The following CTBP1 variants were observed in gnomAD, a reference collection of about 807,000 sequenced individuals.
The protein encoded by CTBP1 is C-terminal-binding protein 1.
CTBP1 carries 11 observed loss-of-function variants against 42.1 expected under a neutral mutation model. The ratio of observed to expected loss-of-function variants is 0.26; its 90% CI spans 0.16 to 0.43. The LOEUF is 0.43. Among genes scored for constraint, CTBP1 ranks in the 20% least tolerant of loss-of-function variants. CTBP1 has a pLI of 1.00. For missense variants in CTBP1, 399 were observed against 624.3 expected, an observed-to-expected ratio of 0.64 and a Z score of 3.85; for synonymous variants, 324 against 277.1, an observed-to-expected ratio of 1.17 and a Z score of -1.68.
rs760909423 is a variant in CTBP1 at position 1,233,996 on chromosome 4, T to C, written c.162+4187A>G. On this transcript the variant is annotated intron_variant, in intron 3 of 9. Transcript: ENST00000382952. This position sits in a 1 kb window ranked among gnomAD's most constrained non-coding sequence, Gnocchi z 4.6. ...CACGGTTCCCAGCACGTGGCTCCCCTCACAGTCCAAGGTGGCTACCCCGGG... is the reference window on the plus strand; with the variant it reads ...CACGGTTCCCAGCACGTGGCTCCCCCCACAGTCCAAGGTGGCTACCCCGGG... Among the ~76,000 whole-genome samples, 1 of 152,122 alleles carries C rather than the reference T, an allele frequency of 6.6e-6. No individual in the cohort carries two copies. Among genetic ancestry groups the C allele is most frequent in the African/African-American group, 2.4e-5 (1 of 41,418 alleles).
intron 5 of CTBP1, 110 bp from the exon 6 acceptor site, chr4:1,216,315 A>C: frequency 1.8e-6 from 2 of 1,105,796 alleles, no homozygotes; most frequent in Non-Finnish European, 2.6e-6. Context: ...CCATCTGCCA[A>C]GGATGACACC....
intron 3 of CTBP1, among the ~76,000 whole-genome samples, chr4:1,231,786 G>C (rs934519185): frequency 3.3e-5 from 5 of 152,246 alleles, no homozygotes; most frequent in African/African-American, 7.2e-5. Context: ...GATTTCCAGA[G>C]AAACTGCCAA....
In CTBP1 at chr4:1,212,312, C is replaced by CGGGGGGG; in HGVS notation, c.1217_1218insCCCCCCC (p.His408ProfsTer17). Reference sequence around the variant, plus strand: ...TTTGGCCAGGAGAAGGGGCGTGGGGCGGGTGGGCCACAGGGGGCAGGCCGT... The same window carrying CGGGGGGG: ...TTTGGCCAGGAGAAGGGGCGTGGGGCGGGGGGGGGGTGGGCCACAGGGGGCAGGCCGT... On this transcript the variant is annotated frameshift_variant, in exon 10 of 10. Coordinates refer to ENST00000382952, the MANE Select transcript of CTBP1 (RefSeq NM_001012614.2). LOFTEE classifies it high-confidence loss of function. 2.4e-6 allele frequency: 1 copy of CGGGGGGG among 419,714 alleles called. No homozygotes were observed. The highest frequency in any genetic ancestry group is 2.0e-5 in the South Asian group (1 of 51,188). 26.0% of individuals were successfully genotyped at this position (419,714 alleles called of 1,614,324 possible). A position where few individuals can be genotyped will look rare whatever the true frequency, so the allele number is the denominator to read the frequency against.
At position 1,213,091 on chromosome 4, in the gene CTBP1, AC is replaced by A; in HGVS notation, c.989-62del. The A allele has an allele frequency of 7.1e-6, 10 of 1,402,644 alleles. No homozygotes were observed. In the South Asian group the frequency reaches 1.1e-4, roughly 15 times the overall value. The allele number at this position is 1,402,644 out of a possible 1,614,324, so 86.9% of individuals were successfully genotyped here. A position where few individuals can be genotyped will look rare whatever the true frequency, so the allele number is the denominator to read the frequency against. ...TGAGGGGGCCCCAGGAGCGTGGCCC[AC>A]TGGGTTGAAGACACGGGCAGCAGGA... On this transcript the variant is annotated intron_variant, in intron 8 of 9. Coordinates refer to ENST00000382952, the MANE Select transcript of CTBP1 (RefSeq NM_001012614.2).
rs962737794 is a variant in CTBP1, at chr4:1,233,750, C to T, written c.162+4433G>A. Among the ~76,000 whole-genome samples, 21 of 152,344 alleles carry T rather than the reference C, an allele frequency of 1.4e-4. No individual in the cohort carries two copies. The highest frequency in any genetic ancestry group is 5.1e-4 in the African/African-American group (21 of 41,580). Reference sequence around the variant, plus strand: ...TCTTCCCGCTCCTCCTGTGACCGCACTGACGGTATCACGTTCTCTCCCTCC... The same window carrying T: ...TCTTCCCGCTCCTCCTGTGACCGCATTGACGGTATCACGTTCTCTCCCTCC... On this transcript the variant is annotated intron_variant, in intron 3 of 9. Coordinates refer to ENST00000382952, the MANE Select transcript of CTBP1 (RefSeq NM_001012614.2). This position sits in a 1 kb window ranked among gnomAD's most constrained non-coding sequence, Gnocchi z 4.6.
intron 1 of CTBP1, 51 bp downstream of exon 1, chr4:1,248,864 GC>G (rs1733060754): frequency 2.7e-5 from 9 of 334,146 alleles, no homozygotes; most frequent in Admixed American, 7.1e-5. Flanking sequence ...CGCGGCACCC[GC>G]CCCGCCCCGC....
At chr4:1,218,515 G>A (rs893511040) in intron 5 of CTBP1, 2 of 152,196 alleles carry the variant, frequency 1.3e-5, no homozygotes, top group East Asian at 1.9e-4. Context: ...TGACGCCCGA[G>A]GACAGCCAGA....
At chr4:1,246,551 A>T (rs1227927961) in intron 1 of CTBP1, among the ~76,000 whole-genome samples, 1 of 152,244 alleles carries the variant, frequency 6.6e-6, no homozygotes. Context: ...AGCCGGGCAC[A>T]AAGTGCTGCC....
chr4:1,243,013 T>C (rs1458156540), intron 1 of CTBP1: 7 of 985,190 alleles, frequency 7.1e-6, no homozygotes, highest in African/African-American at 1.7e-5. Context: ...TCATCAATAC[T>C]GGCCAAACTC....
intron 9 of CTBP1, 21 bp downstream of exon 9, chr4:1,212,892 T>C (rs751283340): frequency 2.2e-5 from 36 of 1,604,862 alleles, no homozygotes; most frequent in Non-Finnish European, 2.7e-5. Flanking sequence ...GAGGCTGTTC[T>C]GGGCCAGCGG....
At chr4:1,217,965 A>G (rs1729321005) in intron 5 of CTBP1, 2 of 152,262 alleles carry the variant, frequency 1.3e-5, no homozygotes, top group Non-Finnish European at 1.5e-5. Flanking sequence ...AAAGAACCAC[A>G]TAGAAATTCC....
Position 1,228,349 on chromosome 4 carries a change from G to T in CTBP1, c.163-6C>A. Reference sequence around the variant, plus strand: ...CCCACAGCCTCGTTCAGGACCTGCAGCGAGAAAGCACACAGGCTCAGCCCG... The same window carrying T: ...CCCACAGCCTCGTTCAGGACCTGCATCGAGAAAGCACACAGGCTCAGCCCG... On this transcript the variant is annotated splice_region_variant and splice_polypyrimidine_tract_variant and intron_variant, in intron 3 of 9. Coordinates refer to ENST00000382952, the MANE Select transcript of CTBP1 (RefSeq NM_001012614.2). 2 of 1,612,374 alleles carry T rather than the reference G, an allele frequency of 1.2e-6. No individual in the cohort carries two copies. The highest frequency in any genetic ancestry group is 1.7e-6 in the Non-Finnish European group (2 of 1,178,726).
At chr4:1,243,471 C>T in intron 1 of CTBP1, 3 of 985,418 alleles carry the variant, frequency 3.0e-6, no homozygotes, top group South Asian at 9.4e-5. Flanking sequence ...TCAGGACAGA[C>T]ACCTGAGGCC....
rs532041388 is a variant in CTBP1 at position 1,235,070 on chromosome 4, C to A, written c.162+3113G>T. 1 of 152,204 alleles carries A rather than the reference C, an allele frequency of 6.6e-6. No individual in the cohort carries two copies. The highest frequency in any genetic ancestry group is 1.9e-4 in the East Asian group (1 of 5,196). 9.4% of individuals were successfully genotyped at this position (152,204 alleles called of 1,614,324 possible). ...CACCCAGGGTGTGGCAGGGACCCAGCGTTCATGCCTGTTGCTGAGGAGGAC... is the reference window on the plus strand; with the variant it reads ...CACCCAGGGTGTGGCAGGGACCCAGAGTTCATGCCTGTTGCTGAGGAGGAC... On this transcript the variant is annotated intron_variant, in intron 3 of 9. Transcript: ENST00000382952. The surrounding 1 kb of genome is among the most constrained non-coding windows in gnomAD (Gnocchi z 4.2).
intron 3 of CTBP1, among the ~76,000 whole-genome samples, chr4:1,231,411 G>A (rs1443936542): frequency 6.6e-6 from 1 of 152,204 alleles, no homozygotes; most frequent in African/African-American, 2.4e-5. Context: ...CCACCGCCAG[G>A]GGCTCAGCCC....
At chr4:1,242,423 GC>G in intron 1 of CTBP1, 1 of 985,350 alleles carries the variant, frequency 1.0e-6, no homozygotes, top group Non-Finnish European at 1.2e-6. Context: ...ACGACTGCCT[GC>G]CAGGCCAGAA....
intron 1 of CTBP1, chr4:1,245,457 A>G (rs1732618766): frequency 1.0e-6 from 1 of 985,286 alleles, no homozygotes; most frequent in Non-Finnish European, 1.2e-6. Flanking sequence ...ACACGACACC[A>G]CTGGAGAGAC....
At chr4:1,236,508 A>C (rs1322152490) in intron 3 of CTBP1, 20 of 598,432 alleles carry the variant, frequency 3.3e-5, no homozygotes, top group Non-Finnish European at 6.0e-5. Flanking sequence ...ACTGAAAATG[A>C]ATCAAGAAGC....
At chr4:1,243,787 G>T (rs1407224906) in intron 1 of CTBP1, 1 of 985,396 alleles carries the variant, frequency 1.0e-6, no homozygotes, top group Non-Finnish European at 1.2e-6. Context: ...GCTCCCAGAG[G>T]GGCCTGTGCT....
Sources: gnomAD v4.1 joint callset for allele counts (sites outside exome capture counted in the v4.1 genomes callset) on GRCh38, gnomAD v4.1.1 for gene constraint, Gnocchi (gnomAD v3.1) non-coding constraint, MANE v1.5 for transcripts, NCBI Gene and HGNC (gene_info 2026-07-23, HGNC 2026-07-21) for gene names.